Variants in PATJ observed in about 807,000 individuals in gnomAD.
PATJ encodes the protein inaD-like protein.
A neutral mutation model predicts 224.9 loss-of-function variants in PATJ; 190 were observed. That is an observed-to-expected ratio of 0.84 (90% CI 0.75 to 0.95). The LOEUF is 0.95. Ranked by LOEUF, PATJ falls within the 40% of genes least tolerant of loss-of-function variation. The pLI is 0.00. For missense variants in PATJ, 2,121 were observed against 2,270.3 expected (o/e 0.93, Z 1.34); for synonymous variants, 769 against 820.3 (o/e 0.94, Z 1.07).
At chr1:62,026,465 T>C (rs1647937872) in intron 29 of PATJ, among the ~76,000 whole-genome samples, 1 of 112,126 alleles carries the variant, frequency 8.9e-6, no homozygotes, top group East Asian at 2.3e-4. Flanking sequence ...TCAACATTTG[T>C]GTGTGTGTGT....
intron 27 of PATJ, among the ~76,000 whole-genome samples, chr1:61,963,343 C>A (rs1451986585): frequency 6.6e-6 from 1 of 151,778 alleles, no homozygotes. Flanking sequence ...ACCTGTAATC[C>A]CAGCATTTTG....
chr1:61,814,756 A>G (rs912015506), intron 14 of PATJ, among the ~76,000 whole-genome samples: 1 of 152,166 alleles, frequency 6.6e-6, no homozygotes, highest in Non-Finnish European at 1.5e-5. Flanking sequence ...TTCTCCCTAC[A>G]ATATATAAGG....
intron 33 of PATJ, among the ~76,000 whole-genome samples, chr1:62,090,647 T>TCCTTTCTTC (rs1268914204): frequency 6.6e-6 from 1 of 152,160 alleles, no homozygotes; most frequent in Non-Finnish European, 1.5e-5. Flanking sequence ...TTTATTTCCT[T>TCCTTTCTTC]CTATCCATCA....
At chr1:62,001,904 A>T (rs1645797570) in intron 28 of PATJ, among the ~76,000 whole-genome samples, 1 of 152,124 alleles carries the variant, frequency 6.6e-6, no homozygotes, top group Non-Finnish European at 1.5e-5. Flanking sequence ...CTTCACAAAA[A>T]CTAACAAACA....
At chr1:61,756,912 C>T (rs1645678660) in intron 1 of PATJ, among the ~76,000 whole-genome samples, 2 of 151,966 alleles carry the variant, frequency 1.3e-5, no homozygotes, top group South Asian at 2.1e-4. Flanking sequence ...GTTGTGTTCT[C>T]ATTCCAGTAT....
At chr1:62,106,639 A>G (rs1253679501) in intron 33 of PATJ, among the ~76,000 whole-genome samples, 1 of 152,038 alleles carries the variant, frequency 6.6e-6, no homozygotes, top group Non-Finnish European at 1.5e-5. Context: ...CTAAGGTGAA[A>G]TTCAACCTCA....
intron 27 of PATJ, among the ~76,000 whole-genome samples, chr1:61,932,224 C>G (rs1031159694): frequency 2.5e-4 from 38 of 150,730 alleles, no homozygotes; most frequent in African/African-American, 9.2e-4. Flanking sequence ...TAAGCCTGGA[C>G]CTGATCATTT....
chr1:62,102,301 C>T (rs1423019985), intron 33 of PATJ, among the ~76,000 whole-genome samples: 1 of 152,190 alleles, frequency 6.6e-6, no homozygotes, highest in Admixed American at 6.5e-5. Flanking sequence ...GTGAAAATCA[C>T]ACAACTACCA....
chr1:61,909,479 T>C (rs766116671), intron 25 of PATJ, among the ~76,000 whole-genome samples: 22 of 152,206 alleles, frequency 1.4e-4, no homozygotes, highest in Non-Finnish European at 2.2e-4. Flanking sequence ...CTTCTTTTTT[T>C]GTTTGTTTTT....
chr1:61,892,751 C>T (rs1308161201), intron 22 of PATJ, among the ~76,000 whole-genome samples: 2 of 132,738 alleles, frequency 1.5e-5, no homozygotes, highest in East Asian at 4.4e-4. Context: ...TGCATAGCCT[C>T]CCCTATTGTC....
intron 27 of PATJ, among the ~76,000 whole-genome samples, chr1:61,939,357 GACAC>G (rs61115372): frequency 2.7e-5 from 4 of 146,444 alleles, no homozygotes; most frequent in Admixed American, 1.4e-4. Context: ...TCAGAAGAAA[GACAC>G]ACACACACAC....
intron 27 of PATJ, among the ~76,000 whole-genome samples, chr1:61,971,531 T>G (rs1311012424): frequency 1.3e-5 from 2 of 152,096 alleles, no homozygotes; most frequent in Admixed American, 6.6e-5. Flanking sequence ...AGAAGAGCAC[T>G]TGAGCCTGTG....
chr1:61,970,070 A>AT (rs879576190), intron 27 of PATJ, among the ~76,000 whole-genome samples: 7,447 of 142,560 alleles, frequency 0.052, 581 homozygotes, highest in African/African-American at 0.18. Context: ...GGTTTTTTGT[A>AT]TTTTTTTTTT....
intron 24 of PATJ, among the ~76,000 whole-genome samples, 193 bp from the exon 25 acceptor site, chr1:61,908,179 G>A (rs1256376414): frequency 1.3e-5 from 2 of 152,178 alleles, no homozygotes; most frequent in African/African-American, 4.8e-5. Flanking sequence ...TTCTGAAGGT[G>A]AAATGTTACT....
chr1:62,148,182 T>A (rs1177865901), intron 41 of PATJ, 102 bp from the exon 42 acceptor site: 2 of 690,416 alleles, frequency 2.9e-6, no homozygotes, highest in African/African-American at 1.8e-5. Flanking sequence ...TCTAGATAAA[T>A]TGAATAAGAT....
chr1:62,044,215 A>G lies in PATJ; in HGVS notation c.4032+6166A>G, dbSNP rs574480125. 2.6e-5 allele frequency among the ~76,000 whole-genome samples: 4 copies of G among 152,334 alleles called. No homozygotes were observed. In the East Asian group the frequency reaches 7.7e-4, roughly 29 times the overall value. ...TCACCCTGCTGTACAACAGATCTCT[A>G]GAACTTATTACTTTAACTGAAATTT... is the stretch of plus-strand genomic sequence containing the variant. On this transcript the variant is annotated intron_variant, in intron 30 of 43. Transcript: ENST00000642238.
intron 43 of PATJ, among the ~76,000 whole-genome samples, chr1:62,159,969 G>A (rs569638341): frequency 1.0e-3 from 159 of 152,208 alleles, no homozygotes; most frequent in African/African-American, 3.8e-3. Context: ...TCTCAGGAGC[G>A]TTAGTGCCTC....
chr1:62,049,243 TCACACACACACACA>T (rs60099928), intron 30 of PATJ, among the ~76,000 whole-genome samples: 1 of 137,198 alleles, frequency 7.3e-6, no homozygotes, highest in African/African-American at 2.8e-5. Context: ...AAGTAAGCAA[TCACACACACACACA>T]CACACACACA....
intron 12 of PATJ, 83 bp from the exon 13 acceptor site, chr1:61,805,365 T>C (rs905373597): frequency 2.7e-5 from 22 of 823,144 alleles, no homozygotes; most frequent in Non-Finnish European, 3.5e-5. Context: ...TGGGCTGTTA[T>C]TGAAGAATTT....
Sources: allele counts gnomAD v4.1 joint callset (sites outside exome capture counted in the v4.1 genomes callset), GRCh38; gene constraint gnomAD v4.1.1; transcripts MANE v1.5; gene names NCBI Gene and HGNC (gene_info 2026-07-23, HGNC 2026-07-21).